TMPRSS9: variants seen among roughly 807,000 people sequenced by gnomAD.
TMPRSS9 encodes transmembrane serine protease 9.
A neutral mutation model predicts 111.4 loss-of-function variants in TMPRSS9; 113 were observed. The ratio of observed to expected loss-of-function variants is 1.01; its 90% CI spans 0.87 to 1.19. The LOEUF (loss-of-function observed/expected upper bound fraction) is 1.19, where lower values mean the gene tolerates loss of function less well. Ranked by LOEUF, TMPRSS9 falls within the 50% of genes most tolerant of loss-of-function variation. The probability of loss-of-function intolerance (pLI) is 0.00; values close to 1 mark genes in which losing one functional copy is unlikely to be tolerated. For synonymous variants in TMPRSS9, 805 were observed against 659.1 expected (o/e 1.22, Z -3.39); for missense variants, 1,803 against 1,513.1 (o/e 1.19, Z -3.18).
chr19:2,425,638 G>A, intron 17 of TMPRSS9, 145 bp downstream of exon 18: 1 of 1,367,316 alleles, frequency 7.3e-7, no homozygotes, highest in Non-Finnish European at 9.4e-7. Context: ...TTTTGGCTCT[G>A]GAGGAATTTC....
At chr19:2,379,675 TTCTC>T (rs897502145) in intron 1 of TMPRSS9, among the ~76,000 whole-genome samples, 2 of 144,498 alleles carry the variant, frequency 1.4e-5, no homozygotes, top group African/African-American at 5.4e-5. Flanking sequence ...CTTTCTTTCT[TTCTC>T]TTTTTCTTTC....
exon 16 of TMPRSS9, chr19:2,425,226 C>T: frequency 2.8e-6 from 4 of 1,447,316 alleles, no homozygotes; most frequent in East Asian, 3.0e-5. Flanking sequence ...CCGGACGGCA[C>T]GCGCTGCGTC....
chr19:2,397,685 C>T (rs1203202538), intron 2 of TMPRSS9, among the ~76,000 whole-genome samples: 4 of 148,580 alleles, frequency 2.7e-5, no homozygotes, highest in Non-Finnish European at 5.9e-5. Flanking sequence ...TTTGGGAGGC[C>T]GAGGAGAGTG....
intron 1 of TMPRSS9, among the ~76,000 whole-genome samples, chr19:2,363,797 TGTGTGTGC>T (rs1568464299): frequency 8.4e-5 from 11 of 130,670 alleles, no homozygotes; most frequent in African/African-American, 3.2e-4. Flanking sequence ...TGAGTGTGTG[TGTGTGTGC>T]GTGCGCGCGT....
chr19:2,391,587 T>C (rs969325079), intron 1 of TMPRSS9, among the ~76,000 whole-genome samples: 5 of 125,730 alleles, frequency 4.0e-5, no homozygotes, highest in African/African-American at 1.4e-4. Flanking sequence ...TGCGTGTGTA[T>C]CTATGTGTGC....
intron 9 of TMPRSS9, among the ~76,000 whole-genome samples, chr19:2,411,397 CTTCTT>C (rs763122400): frequency 1.7e-5 from 2 of 114,926 alleles, no homozygotes; most frequent in African/African-American, 3.6e-5. Flanking sequence ...TTTTCTTCTT[CTTCTT>C]TTTTTTTTTT....
At chr19:2,377,287 ATGTATATATG>A (rs1970344335) in intron 1 of TMPRSS9, among the ~76,000 whole-genome samples, 27 of 117,870 alleles carry the variant, frequency 2.3e-4, no homozygotes, top group Middle Eastern at 3.6e-3. Flanking sequence ...GTATGTATGT[ATGTATATATG>A]TATGTATGTA....
intron 13 of TMPRSS9, among the ~76,000 whole-genome samples, chr19:2,419,577 C>T (rs1361905735): frequency 5.5e-5 from 8 of 146,734 alleles, no homozygotes; most frequent in African/African-American, 1.8e-4. Context: ...AGTGTAGTGG[C>T]GTGATCTCGG....
chr19:2,404,229 A>G (rs1367776879), intron 6 of TMPRSS9, among the ~76,000 whole-genome samples: 1 of 152,158 alleles, frequency 6.6e-6, no homozygotes, highest in East Asian at 1.9e-4. Context: ...TAGCCCATGC[A>G]ATAAGGTAAG....
At chr19:2,367,602 C>T (rs112554559) in intron 1 of TMPRSS9, among the ~76,000 whole-genome samples, 54 of 146,776 alleles carry the variant, frequency 3.7e-4, no homozygotes, top group East Asian at 2.2e-3. Flanking sequence ...CTTGCTCCGT[C>T]GCCCAGGCTA....
intron 1 of TMPRSS9, among the ~76,000 whole-genome samples, chr19:2,368,090 A>G (rs1970261504): frequency 6.6e-6 from 1 of 152,146 alleles, no homozygotes; most frequent in Non-Finnish European, 1.5e-5. Context: ...TAGTTATCAA[A>G]TTGTAACTCT....
chr19:2,396,825 G>C (rs1002571755), intron 2 of TMPRSS9, among the ~76,000 whole-genome samples, 159 bp downstream of exon 3: 1 of 152,202 alleles, frequency 6.6e-6, no homozygotes, highest in Non-Finnish European at 1.5e-5. Context: ...CGGGCAGGAC[G>C]AGGCCAGGTG....
chr19:2,408,912 C>A (rs1421211243), intron 8 of TMPRSS9, among the ~76,000 whole-genome samples: 2 of 150,564 alleles, frequency 1.3e-5, no homozygotes, highest in African/African-American at 2.4e-5. Context: ...TTGCTTGAAC[C>A]CAGGAGATGG....
At position 2,381,124 on chromosome 19, in the gene TMPRSS9, G is replaced by A. The variant is rs56933494; in HGVS notation, c.-25-8637G>A. On this transcript the variant is annotated intron_variant, in intron 1 of 17. Coordinates refer to the TMPRSS9 transcript ENST00000649857. ...TGAAGCTCTCTGAGCTCAGAGAATC[G>A]TATCTGTCTCATTCAGGGTTCGACG... Among the ~76,000 whole-genome samples the A allele has an allele frequency of 4.0e-3, 601 of 152,032 alleles. 2 individuals are homozygous for A. The highest frequency in any genetic ancestry group is 0.014 in the African/African-American group (566 of 41,484).
intron 1 of TMPRSS9, among the ~76,000 whole-genome samples, chr19:2,360,810 A>G (rs1221401792): frequency 6.6e-6 from 1 of 151,086 alleles, no homozygotes; most frequent in Non-Finnish European, 1.5e-5. Flanking sequence ...GTGTGGACGC[A>G]GCCGGGATTG....
chr19:2,416,167 A>C, intron 11 of TMPRSS9: 1 of 412,172 alleles, frequency 2.4e-6, no homozygotes. Flanking sequence ...TGAGCCCAGG[A>C]GGTCGAGGCT....
In TMPRSS9 at chr19:2,394,786, A is replaced by ATT. The variant is rs11370695; in HGVS notation, c.143-1746_143-1745dup. ...TGGTTTAAATGTTGTAATTACGGCCATTTTTTTTGCGCTGGTGTGCACTTC... is the reference window on the plus strand; with the variant it reads ...TGGTTTAAATGTTGTAATTACGGCCATTTTTTTTTTGCGCTGGTGTGCACTTC... On this transcript the variant is annotated intron_variant, in intron 1 of 17. Coordinates refer to ENST00000648592, the Ensembl canonical transcript of TMPRSS9. Among the ~76,000 whole-genome samples, 18 of 151,650 alleles carry ATT rather than the reference A, an allele frequency of 1.2e-4. No homozygotes were observed. The East Asian group carries it at 1.5e-3, about 13-fold the overall frequency.
At chr19:2,365,641 C>T (rs888093975) in intron 1 of TMPRSS9, among the ~76,000 whole-genome samples, 2 of 151,788 alleles carry the variant, frequency 1.3e-5, no homozygotes, top group African/African-American at 2.4e-5. Flanking sequence ...AAAAAAACTA[C>T]ACAGACAGGT....
Position 2,421,850 on chromosome 19 carries a change from C to G in TMPRSS9, c.2155-4C>G. 1.3e-6 allele frequency: 2 copies of G among 1,593,892 alleles called. No homozygotes were observed. Among genetic ancestry groups the G allele is most frequent in the South Asian group, 2.3e-5 (2 of 88,530 alleles). ...CCAACCAGTGCTCTTTCCTTCCTTT[C>G]TAGGGTGACTCTGGGGGCCCCCTGG... On this transcript the variant is annotated splice_polypyrimidine_tract_variant and splice_region_variant and intron_variant, in intron 13 of 17. Transcript: ENST00000648592.
Sources: allele counts gnomAD v4.1 joint callset (sites outside exome capture counted in the v4.1 genomes callset), GRCh38; gene constraint gnomAD v4.1.1; transcripts MANE v1.5; gene names NCBI Gene and HGNC (gene_info 2026-07-23, HGNC 2026-07-21).